The following BIN2 variants were observed in gnomAD, a reference collection of about 807,000 sequenced individuals.
BIN2 encodes breast cancer associated protein BRAP1.
In BIN2, 43 loss-of-function variants were observed where a neutral mutation model predicts 67.9. The ratio of observed to expected loss-of-function variants is 0.63; its 90% CI spans 0.50 to 0.82. The LOEUF is 0.82. Among genes scored for constraint, BIN2 ranks in the 40% least tolerant of loss-of-function variants. BIN2 has a pLI of 0.00. For missense variants in BIN2, 581 were observed against 671.6 expected (o/e 0.87, Z 1.49); for synonymous variants, 244 against 246.8 (o/e 0.99, Z 0.11).
intron 12 of BIN2, among the ~76,000 whole-genome samples, chr12:51,282,456 T>C (rs1396136885): frequency 6.6e-6 from 1 of 152,208 alleles, no homozygotes; most frequent in Non-Finnish European, 1.5e-5. Context: ...TTTGTGATGA[T>C]GCTGGTATAA....
intron 1 of BIN2, among the ~76,000 whole-genome samples, chr12:51,316,859 A>C (rs976516682): frequency 2.6e-5 from 4 of 152,006 alleles, no homozygotes; most frequent in Admixed American, 2.6e-4. Context: ...TTGTTGTTTT[A>C]TTACTACTAC....
rs542631100 is a variant in BIN2 at position 51,283,717 on chromosome 12, G to A, written c.1668+999C>T. On this transcript the variant is annotated intron_variant, in intron 12 of 12. Transcript: ENST00000615107. The stretch of plus-strand genomic sequence containing the variant: ...GATATAAAGAAAATATTTTTTGGCC[G>A]GGTGTGGTGGCTCCCGCCTGTAACC... 4.1e-4 allele frequency among the ~76,000 whole-genome samples: 62 copies of A among 152,090 alleles called. 1 individual carries two copies. In the East Asian group the frequency reaches 4.6e-3, roughly 11 times the overall value.
At chr12:51,319,979 C>CCT (rs1565692694) in intron 1 of BIN2, among the ~76,000 whole-genome samples, 14 of 58,004 alleles carry the variant, frequency 2.4e-4, no homozygotes, top group African/African-American at 5.9e-4. Context: ...CCTTCCTTTT[C>CCT]TCCCTCTCTT....
upstream of BIN2, chr12:51,324,643 G>T (rs770134687): frequency 1.6e-5 from 17 of 1,077,244 alleles, no homozygotes; most frequent in Non-Finnish European, 1.9e-5. Flanking sequence ...CAGGACACCC[G>T]AGCCGGGCTT....
At chr12:51,298,244 C>T (rs561013147) in intron 7 of BIN2, among the ~76,000 whole-genome samples, 4 of 152,200 alleles carry the variant, frequency 2.6e-5, no homozygotes, top group Non-Finnish European at 4.4e-5. Context: ...TAGTGGCACG[C>T]GCCTGTAGTC....
At chr12:51,296,925 C>T (rs1045209374) in intron 8 of BIN2, among the ~76,000 whole-genome samples, 164 bp downstream of exon 8, 4 of 152,086 alleles carry the variant, frequency 2.6e-5, no homozygotes, top group African/African-American at 4.8e-5. Flanking sequence ...ATATGTGTTT[C>T]AATACAGTTA....
chr12:51,317,172 G>A (rs190908775), intron 1 of BIN2, among the ~76,000 whole-genome samples: 191 of 152,110 alleles, frequency 1.3e-3, no homozygotes, highest in African/African-American at 4.4e-3. Context: ...CACTGTGCCC[G>A]GCCTGTTTTA....
intron 2 of BIN2, among the ~76,000 whole-genome samples, chr12:51,304,492 G>A (rs193024498): frequency 1.3e-5 from 2 of 152,268 alleles, no homozygotes; most frequent in Admixed American, 6.5e-5. Flanking sequence ...GACATCTGAC[G>A]TTCTGGAACC....
chr12:51,313,860 C>T lies in BIN2; in HGVS notation c.125G>A (p.Arg42Gln), dbSNP rs539014719. 9 of 1,613,836 alleles carry T rather than the reference C, an allele frequency of 5.6e-6. 1 individual carries two copies. The highest frequency in any genetic ancestry group is 5.5e-5 in the South Asian group (5 of 91,064). Reference protein sequence around the residue: ...LGKAVETKDERFEQSASNFYQ... With the variant: ...LGKAVETKDEQFEQSASNFYQ... Reference sequence around the variant, plus strand: ...GAAGTTGCTAGCGCTTTGTTCAAATCGTTCATCTTTGGTTTCTACAGCTTT... The same window carrying T: ...GAAGTTGCTAGCGCTTTGTTCAAATTGTTCATCTTTGGTTTCTACAGCTTT... The change falls in exon 2 of 13, where the codon CGA becomes CAA. Residue 42 changes from arginine (R) to glutamine (Q), a missense_variant. By Grantham distance (43) the Arg-to-Gln change is conservative. Transcript: ENST00000615107.
intron 7 of BIN2, among the ~76,000 whole-genome samples, chr12:51,298,299 G>A (rs1945623932): frequency 1.3e-5 from 2 of 152,298 alleles, no homozygotes; most frequent in South Asian, 4.1e-4. Flanking sequence ...TTGAATCCGG[G>A]AGGTGGAGGT....
At chr12:51,296,320 C>T (rs1945566045) in intron 8 of BIN2, among the ~76,000 whole-genome samples, 1 of 151,904 alleles carries the variant, frequency 6.6e-6, no homozygotes, top group Non-Finnish European at 1.5e-5. Context: ...CATGGTGAAA[C>T]CCTGTCTCTA....
Position 51,299,039 on chromosome 12 carries a change from C to T in BIN2, c.602+164G>A, listed in dbSNP as rs540538860. Among the ~76,000 whole-genome samples, 21 of 149,778 alleles carry T rather than the reference C, an allele frequency of 1.4e-4. No homozygotes were observed. In the East Asian group the frequency reaches 3.5e-3, roughly 25 times the overall value. On this transcript the variant is annotated intron_variant, in intron 7 of 12. Coordinates refer to ENST00000615107, the MANE Select transcript of BIN2 (RefSeq NM_016293.4). Reference sequence around the variant, plus strand: ...AGTGAGCTGAGATTGAGTGCTACTGCACTCTAGCCTGGGTGACAGAGTGAG... The same window carrying T: ...AGTGAGCTGAGATTGAGTGCTACTGTACTCTAGCCTGGGTGACAGAGTGAG...
intron 7 of BIN2, among the ~76,000 whole-genome samples, chr12:51,298,662 C>T (rs956925459): frequency 6.6e-6 from 1 of 152,066 alleles, no homozygotes; most frequent in Non-Finnish European, 1.5e-5. Context: ...ATCCTATGTA[C>T]ACTAATAAGT....
chr12:51,294,316 C>T (rs1044112083), intron 9 of BIN2, among the ~76,000 whole-genome samples: 7 of 152,166 alleles, frequency 4.6e-5, no homozygotes, highest in Admixed American at 1.3e-4. Context: ...CACCGGTAAT[C>T]CCAGCACTCT....
Position 51,302,122 on chromosome 12 carries a change from G to T in BIN2, c.313-7C>A. On this transcript the variant is annotated splice_polypyrimidine_tract_variant and splice_region_variant and intron_variant, in intron 4 of 12. Transcript: ENST00000615107. The stretch of plus-strand genomic sequence containing the variant: ...CCCAAAGGAGATCATTATTCTGTAG[G>T]ATAGAGTCAGAGGCTGGTGAAGGCT... 6.3e-7 allele frequency: 1 copy of T among 1,598,212 alleles called. No homozygotes were observed. Among genetic ancestry groups the T allele is most frequent in the South Asian group, 1.1e-5 (1 of 90,654 alleles).
chr12:51,315,305 G>A (rs978299181), intron 1 of BIN2, among the ~76,000 whole-genome samples: 33 of 151,744 alleles, frequency 2.2e-4, no homozygotes, highest in African/African-American at 7.7e-4. Context: ...GATTAGCTTC[G>A]GACTACAGGC....
rs1945112229 is a variant in BIN2 at position 51,281,163 on chromosome 12, T to C, written c.*336A>G. 3.5e-6 allele frequency: 1 copy of C among 288,780 alleles called. No individual in the cohort carries two copies. Among genetic ancestry groups the C allele is most frequent in the African/African-American group, 2.1e-5 (1 of 47,602 alleles). The allele number at this position is 288,780 out of a possible 1,614,324, so 17.9% of individuals were successfully genotyped here. A position where few individuals can be genotyped will look rare whatever the true frequency, so the allele number is the denominator to read the frequency against. The stretch of plus-strand genomic sequence containing the variant: ...CTCTGAGTGTGTGTGGTTATGTCTC[T>C]GTATAGGCAAGTGTCTGTGTCTATA... On this transcript the variant is annotated 3_prime_UTR_variant, in exon 13 of 13. Transcript: ENST00000615107.
intron 8 of BIN2, among the ~76,000 whole-genome samples, chr12:51,296,394 G>C (rs1428014918): frequency 2.6e-5 from 4 of 151,920 alleles, no homozygotes; most frequent in Non-Finnish European, 4.4e-5. Context: ...CTACTCGGGA[G>C]GCTGAGGCAG....
At chr12:51,319,260 G>A (rs1029995367) in intron 1 of BIN2, among the ~76,000 whole-genome samples, 38 of 152,226 alleles carry the variant, frequency 2.5e-4, no homozygotes, top group African/African-American at 7.0e-4. Flanking sequence ...CTTGGAGAGT[G>A]TGGGGTCGGG....
Sources: gnomAD v4.1 joint callset for allele counts (sites outside exome capture counted in the v4.1 genomes callset) on GRCh38, gnomAD v4.1.1 for gene constraint, MANE v1.5 for transcripts, NCBI Gene and HGNC (gene_info 2026-07-23, HGNC 2026-07-21) for gene names.